The following TANGO6 variants were observed in gnomAD, a reference collection of about 807,000 sequenced individuals.
The protein encoded by TANGO6 is transport and Golgi organization protein 6 homolog.
TANGO6 carries 90 observed loss-of-function variants against 114.2 expected under a neutral mutation model. That is an observed-to-expected ratio of 0.79 (90% CI 0.66 to 0.94). TANGO6 has a LOEUF of 0.94. Among genes scored for constraint, TANGO6 ranks in the 40% least tolerant of loss-of-function variants. TANGO6 has a pLI of 0.00. For synonymous variants in TANGO6, 477 were observed against 509.8 expected, an observed-to-expected ratio of 0.94 and a Z score of 0.87; for missense variants, 1,274 against 1,315.3, an observed-to-expected ratio of 0.97 and a Z score of 0.49.
chr16:68,923,066 G>T lies in TANGO6; in HGVS notation c.2127+3847G>T, dbSNP rs1291188309. On this transcript the variant is annotated intron_variant, in intron 12 of 17. Transcript: ENST00000261778. ...GGGTTCAAGCGATTCTCCTGCCTCA[G>T]CCTCCCAAGTAGCTGGGATTACGGT... 6.8e-5 allele frequency among the ~76,000 whole-genome samples: 10 copies of T among 147,092 alleles called. 1 individual carries two copies. The highest frequency in any genetic ancestry group is 2.5e-4 in the African/African-American group (10 of 39,684).
chr16:69,044,685 G>A (rs1020191032), intron 17 of TANGO6, among the ~76,000 whole-genome samples: 1 of 151,970 alleles, frequency 6.6e-6, no homozygotes, highest in Non-Finnish European at 1.5e-5. Context: ...TACTTTTTAG[G>A]CTAACCCCTG....
intron 15 of TANGO6, among the ~76,000 whole-genome samples, chr16:69,008,911 G>A (rs545830152): frequency 1.3e-5 from 2 of 151,664 alleles, no homozygotes; most frequent in South Asian, 4.2e-4. Flanking sequence ...CCAAATGCCG[G>A]GATTACAGGT....
In TANGO6 at chr16:68,876,407, T is replaced by A. The variant is rs190315275; in HGVS notation, c.1131+1117T>A. Among the ~76,000 whole-genome samples, 507 of 152,044 alleles carry A rather than the reference T, an allele frequency of 3.3e-3. 4 individuals carry two copies. The highest frequency in any genetic ancestry group is 0.012 in the African/African-American group (483 of 41,536). ...AACTCCTGACCTCAGGTGATCCGCCTGCCTCGGCCTCCCGAAGTGCTGGGA... is the reference window on the plus strand; with the variant it reads ...AACTCCTGACCTCAGGTGATCCGCCAGCCTCGGCCTCCCGAAGTGCTGGGA... On this transcript the variant is annotated intron_variant, in intron 5 of 17. Coordinates refer to ENST00000261778, the MANE Select transcript of TANGO6 (RefSeq NM_024562.2).
intron 3 of TANGO6, among the ~76,000 whole-genome samples, chr16:68,865,136 G>T (rs1316426192): frequency 6.6e-6 from 1 of 152,048 alleles, no homozygotes; most frequent in Admixed American, 6.5e-5. Context: ...AATTAGCCGG[G>T]CGTGGTGGTG....
chr16:69,012,866 T>G (rs1266696536), intron 15 of TANGO6, among the ~76,000 whole-genome samples: 1 of 152,160 alleles, frequency 6.6e-6, no homozygotes, highest in Non-Finnish European at 1.5e-5. Flanking sequence ...CAAATAAGTT[T>G]CAACTGAGTC....
chr16:69,075,084 C>A (rs1960354409), intron 17 of TANGO6, among the ~76,000 whole-genome samples: 1 of 151,836 alleles, frequency 6.6e-6, no homozygotes, highest in Non-Finnish European at 1.5e-5. Context: ...TCAGTTGATC[C>A]ACCCAGCTTG....
At chr16:68,847,315 A>G (rs1477221864) in intron 1 of TANGO6, among the ~76,000 whole-genome samples, 1 of 152,090 alleles carries the variant, frequency 6.6e-6, no homozygotes, top group African/African-American at 2.4e-5. Flanking sequence ...AATGGTTTTG[A>G]CCTTGCAGAC....
intron 17 of TANGO6, among the ~76,000 whole-genome samples, chr16:69,064,682 A>G (rs1308506106): frequency 2.0e-5 from 3 of 152,198 alleles, no homozygotes; most frequent in African/African-American, 7.2e-5. Flanking sequence ...TTTGTCCTTG[A>G]GCAAATCTCT....
At chr16:69,022,039 C>A (rs1308175842) in intron 15 of TANGO6, among the ~76,000 whole-genome samples, 1 of 151,788 alleles carries the variant, frequency 6.6e-6, no homozygotes, top group Non-Finnish European at 1.5e-5. Context: ...GCGCCCGCCA[C>A]CACGCCCGGC....
chr16:68,947,116 C>A (rs1963421540), intron 14 of TANGO6, among the ~76,000 whole-genome samples: 3 of 152,132 alleles, frequency 2.0e-5, no homozygotes, highest in Admixed American at 6.6e-5. Flanking sequence ...TAGGTTACTT[C>A]TCTAGAGCTT....
chr16:69,045,577 A>G (rs1959843718), intron 17 of TANGO6, among the ~76,000 whole-genome samples: 1 of 150,812 alleles, frequency 6.6e-6, no homozygotes, highest in Non-Finnish European at 1.5e-5. Flanking sequence ...CCCCCTCTCT[A>G]CTAAAAATAC....
chr16:69,031,721 G>A (rs1480556267), intron 16 of TANGO6, among the ~76,000 whole-genome samples: 1 of 151,320 alleles, frequency 6.6e-6, no homozygotes, highest in Non-Finnish European at 1.5e-5. Context: ...GCAGTGGTGC[G>A]ATCTCAGCTC....
At chr16:68,855,163 G>C (rs1351387998) in intron 1 of TANGO6, among the ~76,000 whole-genome samples, 2 of 150,462 alleles carry the variant, frequency 1.3e-5, no homozygotes, top group Non-Finnish European at 3.0e-5. Flanking sequence ...GCTGAGATCC[G>C]CCATTGCACT....
chr16:69,071,046 A>G (rs1175882323), intron 17 of TANGO6, among the ~76,000 whole-genome samples: 1 of 152,186 alleles, frequency 6.6e-6, no homozygotes, highest in Non-Finnish European at 1.5e-5. Flanking sequence ...AAGTGTGATT[A>G]CAGGTGTGAG....
intron 14 of TANGO6, among the ~76,000 whole-genome samples, chr16:68,963,740 A>G (rs1251874860): frequency 6.6e-6 from 1 of 152,224 alleles, no homozygotes; most frequent in Non-Finnish European, 1.5e-5. Context: ...TGCTGAGCCT[A>G]GTGCAGTCGT....
intron 14 of TANGO6, among the ~76,000 whole-genome samples, chr16:68,932,254 C>T (rs1209662513): frequency 6.6e-6 from 1 of 152,060 alleles, no homozygotes; most frequent in Non-Finnish European, 1.5e-5. Context: ...CCACACCTGG[C>T]TAATTTTGTA....
chr16:68,880,678 T>C, intron 7 of TANGO6, 48 bp downstream of exon 7: 2 of 1,414,668 alleles, frequency 1.4e-6, no homozygotes, highest in Non-Finnish European at 1.9e-6. Flanking sequence ...TTATTTAAAA[T>C]TTTTTTTAAA....
chr16:68,980,427 ATATATATATTT>A (rs1275939671), intron 15 of TANGO6, among the ~76,000 whole-genome samples: 1 of 54,646 alleles, frequency 1.8e-5, no homozygotes, highest in Non-Finnish European at 4.4e-5. Context: ...ATATATATAT[ATATATATATTT>A]TTTTTTTTTT....
chr16:68,901,874 G>A (rs1224484418), intron 8 of TANGO6, among the ~76,000 whole-genome samples: 1 of 152,126 alleles, frequency 6.6e-6, no homozygotes, highest in Non-Finnish European at 1.5e-5. Flanking sequence ...CGATGATTTA[G>A]TTCCTCTTCT....
Sources: allele counts gnomAD v4.1 joint callset (sites outside exome capture counted in the v4.1 genomes callset), GRCh38; gene constraint gnomAD v4.1.1; transcripts MANE v1.5; gene names NCBI Gene and HGNC (gene_info 2026-07-23, HGNC 2026-07-21).